PDE6D: variants seen among roughly 807,000 people sequenced by gnomAD.
The protein encoded by PDE6D is retinal rod rhodopsin-sensitive cGMP 3',5'-cyclic phosphodiesterase subunit delta.
In PDE6D, 10 loss-of-function variants were observed where a neutral mutation model predicts 21.9. That is an observed-to-expected ratio of 0.46 (90% CI 0.28 to 0.78). PDE6D has a LOEUF of 0.78. PDE6D is among the 30% of genes least tolerant of loss of function. PDE6D has a pLI of 0.12. For synonymous variants in PDE6D, 59 were observed against 63.5 expected, an observed-to-expected ratio of 0.93 and a Z score of 0.34; for missense variants, 139 against 184.8, an observed-to-expected ratio of 0.75 and a Z score of 1.44.
At chr2:231,755,030 A>T (rs2048871702) in intron 1 of PDE6D, among the ~76,000 whole-genome samples, 1 of 152,152 alleles carries the variant, frequency 6.6e-6, no homozygotes, top group Non-Finnish European at 1.5e-5. Context: ...ATCTTCATGA[A>T]TGGGATCAGT....
intron 1 of PDE6D, among the ~76,000 whole-genome samples, chr2:231,780,657 G>A (rs2049106667): frequency 6.6e-6 from 1 of 152,094 alleles, no homozygotes; most frequent in Non-Finnish European, 1.5e-5. Context: ...TAGCCAAAGA[G>A]GCTTCTAGGC....
chr2:231,745,985 A>T (rs750795406), intron 1 of PDE6D, among the ~76,000 whole-genome samples: 2 of 152,162 alleles, frequency 1.3e-5, no homozygotes, highest in Non-Finnish European at 2.9e-5. Flanking sequence ...TGAAAGTAGA[A>T]AACAGGATAA....
intron 2 of PDE6D, among the ~76,000 whole-genome samples, 153 bp downstream of exon 2, chr2:231,738,947 A>G (rs1331070706): frequency 6.6e-6 from 1 of 150,524 alleles, no homozygotes; most frequent in Admixed American, 6.6e-5. Flanking sequence ...AAAAAAAAGA[A>G]AGTAACTGAA....
chr2:231,734,534 G>T (rs573852223), intron 4 of PDE6D, among the ~76,000 whole-genome samples: 3 of 151,858 alleles, frequency 2.0e-5, no homozygotes, highest in Admixed American at 2.0e-4. Flanking sequence ...ATTTCTGCTG[G>T]TAATTAATTA....
intron 4 of PDE6D, among the ~76,000 whole-genome samples, chr2:231,733,894 T>C (rs1481096570): frequency 6.6e-6 from 1 of 152,086 alleles, no homozygotes; most frequent in East Asian, 1.9e-4. Flanking sequence ...GAGCTGAGTT[T>C]AGGGCAACTG....
At chr2:231,734,937 C>G (rs529559562) in intron 4 of PDE6D, among the ~76,000 whole-genome samples, 1 of 150,374 alleles carries the variant, frequency 6.7e-6, no homozygotes, top group Non-Finnish European at 1.5e-5. Flanking sequence ...ATAGCTACTA[C>G]TGTAATTAAA....
chr2:231,734,180 C>G (rs2048676340), intron 4 of PDE6D, among the ~76,000 whole-genome samples: 1 of 151,676 alleles, frequency 6.6e-6, no homozygotes, highest in Non-Finnish European at 1.5e-5. Context: ...CGCCACTGCA[C>G]TCCAGCCTCC....
intron 1 of PDE6D, among the ~76,000 whole-genome samples, chr2:231,763,207 C>T (rs994876096): frequency 1.3e-5 from 2 of 152,120 alleles, no homozygotes; most frequent in African/African-American, 2.4e-5. Context: ...ATTTATCTGT[C>T]TTGCTAGAGA....
intron 1 of PDE6D, among the ~76,000 whole-genome samples, chr2:231,775,100 G>A (rs1378608469): frequency 6.6e-6 from 1 of 151,530 alleles, no homozygotes; most frequent in East Asian, 1.9e-4. Context: ...TTTTAATAGA[G>A]AGGGAGTTTT....
At chr2:231,764,536 G>C (rs969233568) in intron 1 of PDE6D, among the ~76,000 whole-genome samples, 1 of 152,218 alleles carries the variant, frequency 6.6e-6, no homozygotes, top group Admixed American at 6.5e-5. Flanking sequence ...GCTGTCAACA[G>C]AAAGGATAGT....
At chr2:231,756,860 T>C (rs1333072876) in intron 1 of PDE6D, among the ~76,000 whole-genome samples, 1 of 149,776 alleles carries the variant, frequency 6.7e-6, no homozygotes, top group Non-Finnish European at 1.5e-5. Flanking sequence ...TCAAGCTCTA[T>C]GTGTTAGGTT....
At chr2:231,761,437 A>T (rs1399975746) in intron 1 of PDE6D, among the ~76,000 whole-genome samples, 2 of 152,168 alleles carry the variant, frequency 1.3e-5, no homozygotes, top group East Asian at 3.9e-4. Context: ...TGGCCTCCCA[A>T]AGTGCTGGGA....
chr2:231,770,826 G>A (rs1424524900), intron 1 of PDE6D, among the ~76,000 whole-genome samples: 2 of 151,946 alleles, frequency 1.3e-5, no homozygotes, highest in Non-Finnish European at 2.9e-5. Flanking sequence ...GGTGGCAGGC[G>A]CCTGTAATCC....
Position 231,739,327 on chromosome 2 carries a change from A to G in PDE6D, c.51-139T>C. 2 of 752,844 alleles carry G rather than the reference A, an allele frequency of 2.7e-6. No individual in the cohort carries two copies. Among genetic ancestry groups the G allele is most frequent in the South Asian group, 1.4e-5 (1 of 73,680 alleles). 46.6% of individuals were successfully genotyped at this position (752,844 alleles called of 1,614,324 possible). The stretch of plus-strand genomic sequence containing the variant: ...AAACTGCTCATTGCCATGGAAGCAC[A>G]TAAGAATGTGAGGAGAGTCAAAAAG... On this transcript the variant is annotated intron_variant, in intron 1 of 4. Coordinates refer to ENST00000287600, the MANE Select transcript of PDE6D (RefSeq NM_002601.4). The surrounding 1 kb of genome is among the most constrained non-coding windows in gnomAD (Gnocchi z 4.2).
chr2:231,773,467 C>G (rs2049030573), intron 1 of PDE6D, among the ~76,000 whole-genome samples: 1 of 152,158 alleles, frequency 6.6e-6, no homozygotes, highest in South Asian at 2.1e-4. Context: ...AACATTTGGC[C>G]AAGGCAACTG....
intron 1 of PDE6D, among the ~76,000 whole-genome samples, chr2:231,758,860 T>C (rs1379882116): frequency 6.6e-6 from 1 of 152,164 alleles, no homozygotes; most frequent in African/African-American, 2.4e-5. Flanking sequence ...CCAATGCTAC[T>C]GCCCCAGGGA....
intron 4 of PDE6D, 68 bp downstream of exon 4, chr2:231,737,119 G>T (rs2048707791): frequency 2.4e-6 from 2 of 842,190 alleles, no homozygotes; most frequent in African/African-American, 3.4e-5. Flanking sequence ...ATGGCACCAG[G>T]AGTCCCACCT....
chr2:231,758,285 G>T (rs1290198836), intron 1 of PDE6D, among the ~76,000 whole-genome samples: 1 of 151,426 alleles, frequency 6.6e-6, no homozygotes, highest in Non-Finnish European at 1.5e-5. Flanking sequence ...AGGATTACAG[G>T]CACCCCCAGC....
At chr2:231,775,610 C>T (rs2049049978) in intron 1 of PDE6D, among the ~76,000 whole-genome samples, 1 of 151,748 alleles carries the variant, frequency 6.6e-6, no homozygotes, top group Non-Finnish European at 1.5e-5. Flanking sequence ...GGCATGAGCC[C>T]CTGCACCCGG....
Sources: gnomAD v4.1 joint callset for allele counts (sites outside exome capture counted in the v4.1 genomes callset) on GRCh38, gnomAD v4.1.1 for gene constraint, Gnocchi (gnomAD v3.1) non-coding constraint, MANE v1.5 for transcripts, NCBI Gene and HGNC (gene_info 2026-07-23, HGNC 2026-07-21) for gene names.